The following RAB34 variants were observed in gnomAD, a reference collection of about 807,000 sequenced individuals.
RAB34 encodes the protein ras-related protein Rab-34.
A neutral mutation model predicts 39.0 loss-of-function variants in RAB34; 33 were observed. That is an observed-to-expected ratio of 0.85 (90% CI 0.64 to 1.13). RAB34 has a LOEUF of 1.13. RAB34 is among the 50% of genes most tolerant of loss of function. The pLI, the probability that RAB34 is intolerant of heterozygous loss-of-function variation, is 0.00. For missense variants in RAB34, 289 were observed against 326.1 expected (o/e 0.89, Z 0.88); for synonymous variants, 135 against 125.1 (o/e 1.08, Z -0.53).
At chr17:28,716,319 T>G (rs1024016893) in intron 2 of RAB34, 2 of 511,194 alleles carry the variant, frequency 3.9e-6, no homozygotes, top group African/African-American at 3.8e-5. Flanking sequence ...TTAGCCTCTC[T>G]AAGCCTCAGT....
At position 28,714,810 on chromosome 17, in the gene RAB34, C is replaced by T. The variant is rs762752582; in HGVS notation, c.695G>A (p.Arg232His). The T allele has an allele frequency of 1.2e-5, 20 of 1,613,996 alleles. No homozygotes were observed. Among genetic ancestry groups the T allele is most frequent in the East Asian group, 6.7e-5 (3 of 44,902 alleles). Residue 232 changes from arginine to histidine, a missense_variant, in exon 9 of 10, where the codon CGC becomes CAC. Arg to His is a conservative substitution (Grantham distance 29). Coordinates refer to ENST00000395245, the MANE Select transcript of RAB34 (RefSeq NM_031934.6). ...GCACTCACGGACAACATCCCCAATG[C>T]GTCGAGCCCCCGATTTCTCCAGCTC... ...LAELEKSGAR[R>H]IGDVVRINSD...
chr17:28,715,361 T>G, intron 6 of RAB34, 85 bp from the exon 7 acceptor site: 1 of 1,586,334 alleles, frequency 6.3e-7, no homozygotes, highest in Non-Finnish European at 8.6e-7. Context: ...ACCCCCTCTC[T>G]GGTCCTACAT....
intron 1 of RAB34, 85 bp from the exon 2 acceptor site, chr17:28,717,079 C>A: frequency 6.4e-7 from 1 of 1,566,426 alleles, no homozygotes; most frequent in South Asian, 1.2e-5. Context: ...GGGTGGAGTG[C>A]AGGGACCACC....
In RAB34 at chr17:28,715,634, C is replaced by CTTGAGCT; in HGVS notation, c.379+6_379+7insAGCTCAA. ...ACCCACCTACCCCACTTCACCCAGC[C>CTTGAGCT]CCTTACCTTGAGCTCCTCTATAGTA... is the stretch of plus-strand genomic sequence containing the variant. On this transcript the variant is annotated splice_region_variant and intron_variant, in intron 5 of 9. Coordinates refer to ENST00000395245, the MANE Select transcript of RAB34 (RefSeq NM_031934.6). The CTTGAGCT allele has an allele frequency of 1.2e-6, 2 of 1,614,174 alleles. No homozygotes were observed. Among genetic ancestry groups the CTTGAGCT allele is most frequent in the Non-Finnish European group, 1.7e-6 (2 of 1,180,038 alleles).
Position 28,714,905 on chromosome 17 carries a change from C to T in RAB34, c.605-5G>A, listed in dbSNP as rs762701158. 4 of 1,613,416 alleles carry T rather than the reference C, an allele frequency of 2.5e-6. No homozygotes were observed. The highest frequency in any genetic ancestry group is 4.5e-5 in the East Asian group (2 of 44,890). ...AGAATTCTCGGACATTCTCACCTGA[C>T]ACAGAGAGCAGATAGGTGCTCAGGG... is the stretch of plus-strand genomic sequence containing the variant. On this transcript the variant is annotated splice_region_variant and splice_polypyrimidine_tract_variant and intron_variant, in intron 8 of 9. Coordinates refer to ENST00000395245, the MANE Select transcript of RAB34 (RefSeq NM_031934.6).
chr17:28,716,328 G>A (rs928206437), intron 2 of RAB34: 1 of 480,422 alleles, frequency 2.1e-6, no homozygotes, highest in Non-Finnish European at 3.7e-6. Flanking sequence ...CTAAGCCTCA[G>A]TTTAAACATT....
In RAB34 at chr17:28,714,916, G is replaced by A. The variant is rs375018317; in HGVS notation, c.605-16C>T. On this transcript the variant is annotated splice_polypyrimidine_tract_variant and intron_variant, in intron 8 of 9. Coordinates refer to ENST00000395245, the MANE Select transcript of RAB34 (RefSeq NM_031934.6). ...ACATTCTCACCTGACACAGAGAGCAGATAGGTGCTCAGGGGCAGTGCTGGG... is the reference window on the plus strand; with the variant it reads ...ACATTCTCACCTGACACAGAGAGCAAATAGGTGCTCAGGGGCAGTGCTGGG... 1.2e-6 allele frequency: 2 copies of A among 1,610,948 alleles called. No homozygotes were observed. Among genetic ancestry groups the A allele is most frequent in the Non-Finnish European group, 1.7e-6 (2 of 1,177,252 alleles).
At chr17:28,716,425 G>A (rs975903822) in intron 2 of RAB34, 19 of 283,182 alleles carry the variant, frequency 6.7e-5, no homozygotes, top group African/African-American at 2.9e-4. Flanking sequence ...CCTCCCCCCC[G>A]CATTTTAATG....
Position 28,714,601 on chromosome 17 carries a change from G to A in RAB34, c.*42C>T. ...GCTCTGGAGGAATGAGGGTGGCACA[G>A]TGCCCTAGGGCTGGGCAGTCTCTGA... On this transcript the variant is annotated 3_prime_UTR_variant, in exon 10 of 10. Coordinates refer to ENST00000395245, the MANE Select transcript of RAB34 (RefSeq NM_031934.6). 6.2e-7 allele frequency: 1 copy of A among 1,613,948 alleles called. No homozygotes were observed. The highest frequency in any genetic ancestry group is 1.3e-5 in the African/African-American group (1 of 75,054).
chr17:28,716,864 T>G lies in RAB34; in HGVS notation c.146+39A>C, dbSNP rs764285829. 5 of 1,592,930 alleles carry G rather than the reference T, an allele frequency of 3.1e-6. No homozygotes were observed. In the South Asian group the frequency reaches 5.6e-5, roughly 18 times the overall value. ...CCCTCGCTATGACTACAGAGTTTCC[T>G]GGGACCTCCTCTCTTTGTTGTGGGT... On this transcript the variant is annotated intron_variant, in intron 2 of 9. Transcript: ENST00000395245.
At chr17:28,715,302 G>A (rs1202254130) in intron 6 of RAB34, 26 bp from the exon 7 acceptor site, 1 of 1,607,110 alleles carries the variant, frequency 6.2e-7, no homozygotes, top group Non-Finnish European at 8.5e-7. Flanking sequence ...GAAAGTAAGG[G>A]ATGAGTGAGT....
At chr17:28,716,817 G>T in intron 2 of RAB34, 86 bp downstream of exon 2, 1 of 1,466,928 alleles carries the variant, frequency 6.8e-7, no homozygotes, top group Non-Finnish European at 9.2e-7. Flanking sequence ...CTGAAATGAA[G>T]CCCCAAGGGG....
rs974948020 is a variant in RAB34 at position 28,715,255 on chromosome 17, C to T, written c.453G>A (p.Leu151=). The T allele has an allele frequency of 1.2e-6, 2 of 1,613,526 alleles. No homozygotes were observed. Among genetic ancestry groups the T allele is most frequent in the Non-Finnish European group, 1.7e-6 (2 of 1,179,886 alleles). ...EHTKQWLADA[L]KENDPSSVLL... Reference sequence around the variant, plus strand: ...GCACACTGGAAGGGTCATTCTCCTTCAGGGCATCGGCCAGCCACTGCCTGC... The same window carrying T: ...GCACACTGGAAGGGTCATTCTCCTTTAGGGCATCGGCCAGCCACTGCCTGC... The change falls in exon 7 of 10, where the codon CTG becomes CTA. Residue 151 remains leucine, a synonymous_variant. Coordinates refer to ENST00000395245, the MANE Select transcript of RAB34 (RefSeq NM_031934.6).
chr17:28,715,571 C>A, intron 5 of RAB34, 64 bp from the exon 6 acceptor site: 1 of 1,614,112 alleles, frequency 6.2e-7, no homozygotes, highest in Non-Finnish European at 8.5e-7. Context: ...TTTCCCCAAT[C>A]CTTCCAGCTC....
chr17:28,716,484 G>A, intron 2 of RAB34: 1 of 254,062 alleles, frequency 3.9e-6, no homozygotes. Flanking sequence ...ATTCAATAAA[G>A]ATGATAGTAC....
upstream of RAB34, chr17:28,717,987 C>G (rs1315915300): frequency 7.8e-7 from 1 of 1,287,624 alleles, no homozygotes; most frequent in East Asian, 3.1e-5. Flanking sequence ...TTGCCCCGCT[C>G]AGGCTCCCTC....
rs755538638 is a variant in RAB34, at chr17:28,715,119, G to C, written c.517C>G (p.Pro173Ala). Residue 173 changes from proline (P) to alanine (A), a missense_variant, in exon 8 of 10, where the codon CCT (proline) becomes GCT (alanine). Pro to Ala is a conservative substitution (Grantham distance 27). Coordinates refer to ENST00000395245, the MANE Select transcript of RAB34 (RefSeq NM_031934.6). Reference sequence around the variant, plus strand: ...TTCTCCATCAGCGCATACTGAGCAGGGGTCTGAGGGAAGGCCAGAGTCAGA... The same window carrying C: ...TTCTCCATCAGCGCATACTGAGCAGCGGTCTGAGGGAAGGCCAGAGTCAGA... ...LVGSKKDLST[P>A]AQYALMEKDA... 1 of 1,614,104 alleles carries C rather than the reference G, an allele frequency of 6.2e-7. No individual in the cohort carries two copies. The highest frequency in any genetic ancestry group is 1.1e-5 in the South Asian group (1 of 91,088).
At chr17:28,718,143 A>C, upstream of RAB34, 2 of 1,610,760 alleles carry the variant, frequency 1.2e-6, no homozygotes, top group Non-Finnish European at 1.7e-6. Context: ...GGTGATGGGG[A>C]ATCGGAGACT....
At position 28,717,790 on chromosome 17, in the gene RAB34, C is replaced by T; in HGVS notation, c.-524G>A. ...GGGCGGCGCTGCCAAGGCCCGCAGG[C>T]CGCTGGAGGAGGGGGCGAGGGGCCC... On this transcript the variant is annotated 5_prime_UTR_variant, in exon 1 of 10. Coordinates refer to ENST00000395245, the MANE Select transcript of RAB34 (RefSeq NM_031934.6). 3.8e-6 allele frequency: 5 copies of T among 1,324,116 alleles called. No homozygotes were observed. The highest frequency in any genetic ancestry group is 4.8e-6 in the Non-Finnish European group (5 of 1,042,710). 82.0% of individuals were successfully genotyped at this position (1,324,116 alleles called of 1,614,324 possible). A position where few individuals can be genotyped will look rare whatever the true frequency, so the allele number is the denominator to read the frequency against.
Sources: gnomAD v4.1 joint callset for allele counts on GRCh38, gnomAD v4.1.1 for gene constraint, MANE v1.5 for transcripts, NCBI Gene and HGNC (gene_info 2026-07-23, HGNC 2026-07-21) for gene names.